DLG2: variants seen among roughly 807,000 people sequenced by gnomAD.
DLG2 encodes disks large homolog 2.
In DLG2, 45 loss-of-function variants were observed where a neutral mutation model predicts 132.5. That is an observed-to-expected ratio of 0.34 (90% CI 0.27 to 0.44). The LOEUF (loss-of-function observed/expected upper bound fraction) is 0.44. Among genes scored for constraint, DLG2 ranks in the 20% least tolerant of loss-of-function variants. The probability of loss-of-function intolerance (pLI) is 1.00; values close to 1 mark genes in which losing one functional copy is unlikely to be tolerated. For synonymous variants in DLG2, 424 were observed against 419.6 expected (o/e 1.01, Z -0.13); for missense variants, 1,045 against 1,196.9 (o/e 0.87, Z 1.87).
chr11:84,639,648 A>G (rs1316633170), intron 6 of DLG2, among the ~76,000 whole-genome samples: 1 of 152,044 alleles, frequency 6.6e-6, no homozygotes, highest in Non-Finnish European at 1.5e-5. Context: ...ACTTGGTACT[A>G]CCTCTGGAGT....
intron 7 of DLG2, among the ~76,000 whole-genome samples, chr11:84,350,144 C>G (rs932484372): frequency 2.0e-5 from 3 of 147,564 alleles, no homozygotes; most frequent in Non-Finnish European, 4.5e-5. Flanking sequence ...CGCCAAGGCA[C>G]TCCAGCCTGG....
rs547060112 is a variant in DLG2 at position 83,499,644 on chromosome 11, CT to C, written c.2194-15417del. 3.3e-5 allele frequency among the ~76,000 whole-genome samples: 5 copies of C among 150,842 alleles called. No individual in the cohort carries two copies. The South Asian group carries it at 1.1e-3, about 32-fold the overall frequency. ...CGTATTGCCTCCTTATAAGGTAAGT[CT>C]TCCTGCCCTCGAACATCAGACTCAA... On this transcript the variant is annotated intron_variant, in intron 21 of 27. Transcript: ENST00000376104.
At chr11:85,510,415 C>A (rs962915931) in intron 3 of DLG2, among the ~76,000 whole-genome samples, 2 of 152,008 alleles carry the variant, frequency 1.3e-5, no homozygotes, top group African/African-American at 2.4e-5. Flanking sequence ...AAAGAAACTA[C>A]CATCAGAGTG....
At chr11:84,375,882 C>A (rs2098727093) in intron 7 of DLG2, among the ~76,000 whole-genome samples, 1 of 151,924 alleles carries the variant, frequency 6.6e-6, no homozygotes, top group Non-Finnish European at 1.5e-5. Flanking sequence ...TATTGCAGAG[C>A]CTTTCTTTTG....
At chr11:84,027,243 G>C (rs2095560726) in intron 11 of DLG2, among the ~76,000 whole-genome samples, 1 of 151,990 alleles carries the variant, frequency 6.6e-6, no homozygotes, top group African/African-American at 2.4e-5. Flanking sequence ...CATAGGATTT[G>C]GTTAAGATTT....
intron 18 of DLG2, among the ~76,000 whole-genome samples, chr11:83,663,654 T>C (rs1487244682): frequency 5.9e-5 from 9 of 152,326 alleles, no homozygotes; most frequent in Admixed American, 6.5e-5. Context: ...TTGCAGATTG[T>C]ATGCTCTGAC....
intron 7 of DLG2, among the ~76,000 whole-genome samples, chr11:84,309,463 G>C (rs1014143743): frequency 3.9e-5 from 6 of 152,144 alleles, no homozygotes; most frequent in Admixed American, 3.9e-4. Context: ...TAAGGACATG[G>C]ACCAATTCTG....
intron 8 of DLG2, among the ~76,000 whole-genome samples, chr11:84,200,753 G>A (rs549548884): frequency 1.3e-5 from 2 of 152,160 alleles, no homozygotes; most frequent in South Asian, 4.1e-4. Flanking sequence ...CTGCTTGCCT[G>A]TTGTCGGTTT....
intron 2 of DLG2, among the ~76,000 whole-genome samples, chr11:85,606,990 G>A (rs1424937074): frequency 6.6e-6 from 1 of 152,146 alleles, no homozygotes; most frequent in East Asian, 1.9e-4. Context: ...CTTCATTCTT[G>A]AAGTCAGAGA....
intron 7 of DLG2, among the ~76,000 whole-genome samples, chr11:84,460,135 G>A (rs945625671): frequency 2.7e-5 from 4 of 149,910 alleles, no homozygotes; most frequent in Non-Finnish European, 1.5e-5. Context: ...TTATTTTTTT[G>A]ATCTTCAGAT....
chr11:84,567,414 T>C (rs1233168353), intron 6 of DLG2, among the ~76,000 whole-genome samples: 1 of 152,146 alleles, frequency 6.6e-6, no homozygotes, highest in African/African-American at 2.4e-5. Context: ...AAATATTAAG[T>C]TCTGTGTGAC....
At chr11:84,827,978 T>A (rs965828655) in intron 6 of DLG2, among the ~76,000 whole-genome samples, 1 of 151,828 alleles carries the variant, frequency 6.6e-6, no homozygotes, top group East Asian at 2.0e-4. Flanking sequence ...ATAATGTAGA[T>A]ATATGCCATG....
intron 8 of DLG2, among the ~76,000 whole-genome samples, chr11:84,170,004 G>A (rs115413553): frequency 6.6e-6 from 1 of 152,020 alleles, no homozygotes; most frequent in Non-Finnish European, 1.5e-5. Context: ...CTTTCTTAAG[G>A]CTATTCTCAA....
At chr11:83,662,574 T>C (rs2074559065) in intron 18 of DLG2, among the ~76,000 whole-genome samples, 1 of 152,076 alleles carries the variant, frequency 6.6e-6, no homozygotes, top group Admixed American at 6.5e-5. Context: ...TCTCCAACAA[T>C]TAAATGTGAT....
chr11:83,960,798 A>G (rs1490865781), intron 14 of DLG2, among the ~76,000 whole-genome samples: 2 of 152,040 alleles, frequency 1.3e-5, no homozygotes, highest in Non-Finnish European at 2.9e-5. Context: ...ACCCATGGTA[A>G]CGCCTACAGT....
intron 7 of DLG2, among the ~76,000 whole-genome samples, chr11:84,319,236 G>C (rs2098388821): frequency 6.6e-6 from 1 of 150,764 alleles, no homozygotes; most frequent in South Asian, 2.1e-4. Context: ...TTTTATTTTA[G>C]ATCAATAGAT....
chr11:83,833,491 C>T lies in DLG2; in HGVS notation c.1722+123G>A, dbSNP rs766588484. The T allele has an allele frequency of 3.4e-5, 35 of 1,023,860 alleles. 1 individual carries two copies. The highest frequency in any genetic ancestry group is 2.9e-4 in the Middle Eastern group (1 of 3,410). 63.4% of individuals were successfully genotyped at this position (1,023,860 alleles called of 1,614,324 possible). On this transcript the variant is annotated intron_variant, in intron 17 of 27. Coordinates refer to ENST00000376104, the MANE Select transcript of DLG2 (RefSeq NM_001142699.3). ...CAAAATTGTGACATGCACCAGAAGT[C>T]GTGATGCTCTCATCCACTTTCCTTT...
At chr11:85,144,844 G>T (rs1335825444) in intron 5 of DLG2, among the ~76,000 whole-genome samples, 1 of 151,966 alleles carries the variant, frequency 6.6e-6, no homozygotes, top group East Asian at 1.9e-4. Flanking sequence ...TTCAAGATAT[G>T]AGTGGTTTAC....
At chr11:84,222,117 C>A (rs1174488228) in intron 8 of DLG2, among the ~76,000 whole-genome samples, 1 of 152,052 alleles carries the variant, frequency 6.6e-6, no homozygotes, top group African/African-American at 2.4e-5. Flanking sequence ...ACTGCAACCT[C>A]CACCTCCTGG....
Sources: gnomAD v4.1 joint callset for allele counts (sites outside exome capture counted in the v4.1 genomes callset) on GRCh38, gnomAD v4.1.1 for gene constraint, MANE v1.5 for transcripts, NCBI Gene and HGNC (gene_info 2026-07-23, HGNC 2026-07-21) for gene names.